The following CBLIF variants were observed in gnomAD, a reference collection of about 807,000 sequenced individuals.
CBLIF encodes cobalamin binding intrinsic factor, also known as gastric intrinsic factor (vitamin B synthesis).
Under a neutral mutation model 44.9 loss-of-function variants are expected in CBLIF, and 24 were observed. The observed-to-expected ratio is 0.53, with a 90% CI of 0.39 to 0.75. The LOEUF (loss-of-function observed/expected upper bound fraction) is 0.75. Ranked by LOEUF, CBLIF falls within the 30% of genes least tolerant of loss-of-function variation. The pLI is 0.00. For synonymous variants in CBLIF, 183 were observed against 190.9 expected (o/e 0.96, Z 0.34); for missense variants, 481 against 513.0 (o/e 0.94, Z 0.60).
At chr11:59,834,358 TTCTC>T (rs1310386120) in intron 7 of CBLIF, among the ~76,000 whole-genome samples, 5 of 146,490 alleles carry the variant, frequency 3.4e-5, no homozygotes, top group African/African-American at 1.0e-4. Flanking sequence ...TTCTCTTTCT[TTCTC>T]TCTCTCAATT....
Position 59,835,968 on chromosome 11 carries a change from C to G in CBLIF, c.913G>C (p.Gly305Arg). ...GTGATGTTAGATGCAGAGGTGGGGC[C>G]AGGGCCAGGGTTGCTGGGTAGAGTT... ...QPTLPSNPGP[G>R]PTSASNITVI... Residue 305 changes from glycine to arginine, a missense_variant, in exon 7 of 9, where the codon GGC (glycine) becomes CGC (arginine). Transcript: ENST00000257248. 1.9e-6 allele frequency: 3 copies of G among 1,614,100 alleles called. No homozygotes were observed. Among genetic ancestry groups the G allele is most frequent in the Non-Finnish European group, 2.5e-6 (3 of 1,179,982 alleles).
chr11:59,836,061 T>C (rs748896896), intron 6 of CBLIF, 52 bp from the exon 7 acceptor site: 2 of 1,433,874 alleles, frequency 1.4e-6, no homozygotes, highest in African/African-American at 1.4e-5. Flanking sequence ...GTTTGTATCA[T>C]AGGTGCAAAA....
chr11:59,834,599 G>C (rs1046323174), intron 7 of CBLIF, among the ~76,000 whole-genome samples: 1 of 151,568 alleles, frequency 6.6e-6, no homozygotes, highest in African/African-American at 2.4e-5. Context: ...CGCCATGTTG[G>C]CCAGGCTAGT....
chr11:59,837,775 T>C (rs928371379), intron 5 of CBLIF, among the ~76,000 whole-genome samples: 2 of 152,158 alleles, frequency 1.3e-5, no homozygotes, highest in African/African-American at 4.8e-5. Context: ...GTCAGGACTC[T>C]CAGAGGCTCC....
intron 3 of CBLIF, 131 bp from the exon 4 acceptor site, chr11:59,842,714 G>T: frequency 1.2e-6 from 1 of 836,036 alleles, no homozygotes; most frequent in Non-Finnish European, 2.0e-6. Flanking sequence ...ACACAGCATA[G>T]GCAAAGAGCA....
chr11:59,830,907 G>A (rs933442448), intron 8 of CBLIF, among the ~76,000 whole-genome samples: 8 of 152,220 alleles, frequency 5.3e-5, no homozygotes, highest in African/African-American at 1.2e-4. Context: ...AATTCTGACT[G>A]GCAAGATTTT....
intron 4 of CBLIF, among the ~76,000 whole-genome samples, chr11:59,842,191 C>A (rs918734119): frequency 6.6e-6 from 1 of 152,198 alleles, no homozygotes; most frequent in Non-Finnish European, 1.5e-5. Flanking sequence ...AGCGGAGATT[C>A]TGTAGCTGCC....
chr11:59,840,289 T>C (rs1373673085), intron 5 of CBLIF, among the ~76,000 whole-genome samples: 2 of 152,194 alleles, frequency 1.3e-5, no homozygotes, highest in Non-Finnish European at 2.9e-5. Flanking sequence ...TCCATGATTC[T>C]CCCTTTAGTG....
Position 59,829,334 on chromosome 11 carries a change from AT to A in CBLIF, c.*149del, listed in dbSNP as rs1228220210. ...ATGTTGAGACTCCAGTGAACTTTGCATTTTTATTCTACATAGTGGTTCTCCA... is the reference window on the plus strand; with the variant it reads ...ATGTTGAGACTCCAGTGAACTTTGCATTTTATTCTACATAGTGGTTCTCCA... On this transcript the variant is annotated 3_prime_UTR_variant, in exon 9 of 9. Transcript: ENST00000257248. 7 of 662,526 alleles carry A rather than the reference AT, an allele frequency of 1.1e-5. No individual in the cohort carries two copies. Among genetic ancestry groups the A allele is most frequent in the African/African-American group, 1.8e-5 (1 of 55,614 alleles). 41.0% of individuals were successfully genotyped at this position (662,526 alleles called of 1,614,324 possible).
chr11:59,842,697 AAG>A, intron 3 of CBLIF, 114 bp from the exon 4 acceptor site: 2 of 1,015,070 alleles, frequency 2.0e-6, no homozygotes, highest in Admixed American at 3.6e-5. Context: ...CCTGCCCCCA[AAG>A]AGAGACACAG....
Position 59,842,445 on chromosome 11 carries a change from A to G in CBLIF, c.509T>C (p.Val170Ala). 1 of 1,613,608 alleles carries G rather than the reference A, an allele frequency of 6.2e-7. No individual in the cohort carries two copies. Among genetic ancestry groups the G allele is most frequent in the Non-Finnish European group, 8.5e-7 (1 of 1,179,994 alleles). The change falls in exon 4 of 9, where the codon GTA becomes GCA. Residue 170 changes from valine to alanine, a missense_variant and splice_region_variant. Transcript: ENST00000257248. ...CGGGGTAGTGGTGACCTACTCACCT[A>G]CATTGAAGGGAGAGGAGTTGGCCAG... Reference protein sequence around the residue: ...TLLANSSPFNVDTGAMATLAL... With the variant: ...TLLANSSPFNADTGAMATLAL...
intron 2 of CBLIF, 146 bp downstream of exon 2, chr11:59,843,733 C>T (rs1866569499): frequency 2.8e-6 from 2 of 711,136 alleles, no homozygotes; most frequent in South Asian, 1.5e-5. Flanking sequence ...TTTCCAGGTA[C>T]CTTCCAGGTA....
At chr11:59,844,485 A>T (rs1866581575) in intron 1 of CBLIF, among the ~76,000 whole-genome samples, 1 of 152,208 alleles carries the variant, frequency 6.6e-6, no homozygotes, top group African/African-American at 2.4e-5. Context: ...TAGTGTCCTA[A>T]GTCACTAAAG....
intron 7 of CBLIF, among the ~76,000 whole-genome samples, chr11:59,833,979 A>G (rs1012013638): frequency 1.3e-5 from 2 of 152,166 alleles, no homozygotes; most frequent in African/African-American, 4.8e-5. Flanking sequence ...TCTCAACTCT[A>G]TTAGTTACAT....
rs760666658 is a variant in CBLIF, at chr11:59,835,834, T to G, written c.1047A>C (p.Glu349Asp). 1 of 1,613,964 alleles carries G rather than the reference T, an allele frequency of 6.2e-7. No homozygotes were observed. Among genetic ancestry groups the G allele is most frequent in the Non-Finnish European group, 8.5e-7 (1 of 1,179,776 alleles). The change falls in exon 7 of 9, where the codon GAA (glutamate) becomes GAC (aspartate). Residue 349 changes from glutamate (E) to aspartate (D), a missense_variant. Transcript: ENST00000257248. ...SGSVLLVVLEEAQRKNPMFKF... is the reference protein window; with the variant it reads ...SGSVLLVVLEDAQRKNPMFKF... ...TGAACATAGGATTTTTGCGCTGTGC[T>G]TCCTCTAGGACAACAAGTAACACTG... is the stretch of plus-strand genomic sequence containing the variant.
Position 59,829,284 on chromosome 11 carries a change from A to T in CBLIF, c.*200T>A, listed in dbSNP as rs1866335816. 1.8e-6 allele frequency: 1 copy of T among 544,430 alleles called. No homozygotes were observed. 33.7% of individuals were successfully genotyped at this position (544,430 alleles called of 1,614,324 possible). A position where few individuals can be genotyped will look rare whatever the true frequency, so the allele number is the denominator to read the frequency against. ...TGGCAGTCATTGTGTTGAGAAGATG[A>T]AAATTTTATTTTCATGAGTCATAGA... On this transcript the variant is annotated 3_prime_UTR_variant, in exon 9 of 9. Transcript: ENST00000257248.
chr11:59,839,731 C>T (rs1002847771), intron 5 of CBLIF, among the ~76,000 whole-genome samples: 10 of 152,098 alleles, frequency 6.6e-5, no homozygotes, highest in Admixed American at 1.3e-4. Context: ...AGACAGGGTC[C>T]TGCCTTTTGA....
intron 5 of CBLIF, among the ~76,000 whole-genome samples, chr11:59,839,742 T>C (rs1565209186): frequency 6.6e-6 from 1 of 152,144 alleles, no homozygotes; most frequent in Non-Finnish European, 1.5e-5. Flanking sequence ...TGCCTTTTGA[T>C]AGGAAAAGCT....
At chr11:59,844,904 G>A (rs1029944143) in intron 1 of CBLIF, among the ~76,000 whole-genome samples, 2 of 152,150 alleles carry the variant, frequency 1.3e-5, no homozygotes, top group African/African-American at 4.8e-5. Flanking sequence ...CTGGAGTGCA[G>A]TGGTGTGATT....
Sources: gnomAD v4.1 joint callset for allele counts (sites outside exome capture counted in the v4.1 genomes callset) on GRCh38, gnomAD v4.1.1 for gene constraint, MANE v1.5 for transcripts, NCBI Gene and HGNC (gene_info 2026-07-23, HGNC 2026-07-21) for gene names.